ATP10A: variants seen among roughly 807,000 people sequenced by gnomAD.
ATP10A encodes the protein ATPase phospholipid transporting 10A (putative).
A neutral mutation model predicts 147.8 loss-of-function variants in ATP10A; 111 were observed. The ratio of observed to expected loss-of-function variants is 0.75; its 90% CI spans 0.64 to 0.88. The LOEUF (loss-of-function observed/expected upper bound fraction) is 0.88. Among genes scored for constraint, ATP10A ranks in the 40% least tolerant of loss-of-function variants. ATP10A has a pLI of 0.00. For missense variants in ATP10A, 1,927 were observed against 1,959.0 expected (o/e 0.98, Z 0.31); for synonymous variants, 875 against 841.6 (o/e 1.04, Z -0.69).
intron 1 of ATP10A, among the ~76,000 whole-genome samples, chr15:25,826,482 C>T (rs1892117874): frequency 6.6e-6 from 1 of 152,126 alleles, no homozygotes; most frequent in Non-Finnish European, 1.5e-5. Context: ...AGATGGCTTG[C>T]ACCCAAGAGG....
intron 2 of ATP10A, among the ~76,000 whole-genome samples, chr15:25,744,837 C>T (rs182580151): frequency 6.6e-6 from 1 of 152,234 alleles, no homozygotes; most frequent in Admixed American, 6.5e-5. Flanking sequence ...CGTGTGTAAT[C>T]AGGGCCCCAG....
At chr15:25,833,171 C>T (rs1347587107) in intron 1 of ATP10A, among the ~76,000 whole-genome samples, 3 of 151,914 alleles carry the variant, frequency 2.0e-5, no homozygotes, top group South Asian at 2.1e-4. Flanking sequence ...TTAGTAAAGA[C>T]GGGTTTTCAC....
rs1887242457 is a variant in ATP10A, at chr15:25,735,966, A to C, written c.740+90T>G. The C allele has an allele frequency of 3.4e-6, 4 of 1,165,102 alleles. No individual in the cohort carries two copies. In the African/African-American group the frequency reaches 6.0e-5, roughly 17 times the overall value. The allele number at this position is 1,165,102 out of a possible 1,614,324, so 72.2% of individuals were successfully genotyped here. On this transcript the variant is annotated intron_variant, in intron 3 of 20. Transcript: ENST00000555815. Reference sequence around the variant, plus strand: ...CTACACCATGTGGCAAAGAGTATTAAATGCATACTTTATAACTGAGAATGT... The same window carrying C: ...CTACACCATGTGGCAAAGAGTATTACATGCATACTTTATAACTGAGAATGT...
intron 15 of ATP10A, 126 bp downstream of exon 15, chr15:25,691,589 A>G: frequency 2.2e-6 from 2 of 909,276 alleles, no homozygotes; most frequent in Admixed American, 3.8e-5. Context: ...CATCAGCTAT[A>G]TTAAGGGCAA....
At chr15:25,830,061 G>T (rs1452080240) in intron 1 of ATP10A, among the ~76,000 whole-genome samples, 1 of 152,136 alleles carries the variant, frequency 6.6e-6, no homozygotes. Context: ...AGATGGAGGT[G>T]GTTCAGGCGG....
chr15:25,765,764 G>A (rs150667129), intron 2 of ATP10A, among the ~76,000 whole-genome samples: 321 of 152,242 alleles, frequency 2.1e-3, no homozygotes, highest in South Asian at 0.014. Context: ...TCACAGAGAC[G>A]CAAACCCTTT....
At position 25,721,885 on chromosome 15, in the gene ATP10A, C is replaced by T. The variant is rs1902255672; in HGVS notation, c.1135G>A (p.Val379Ile). The T allele has an allele frequency of 6.2e-7, 1 of 1,612,428 alleles. No homozygotes were observed. Among genetic ancestry groups the T allele is most frequent in the Non-Finnish European group, 8.5e-7 (1 of 1,178,588 alleles). ...CATGCTTTAACAATTTCAATGGAAA[C>T]GTATAAGGAAATTGGGATCAAAACC... Reference protein sequence around the residue: ...LQVLIPISLYVSIEIVKACQV... With the variant: ...LQVLIPISLYISIEIVKACQV... The change falls in exon 7 of 21, where the codon GTT (valine) becomes ATT (isoleucine). Residue 379 changes from valine to isoleucine, a missense_variant. Physicochemically the swap from Val to Ile is conservative, Grantham distance 29 (BLOSUM62 3). Transcript: ENST00000555815.
rs1376893163 is a variant in ATP10A at position 25,683,102 on chromosome 15, CTT to C, written c.3492+182_3492+183del. Among the ~76,000 whole-genome samples the C allele has an allele frequency of 2.6e-5, 4 of 152,128 alleles. No individual in the cohort carries two copies. The East Asian group carries it at 7.7e-4, about 29-fold the overall frequency. On this transcript the variant is annotated intron_variant, in intron 17 of 20. Transcript: ENST00000555815. ...AGGGGGGACAGTTTCGCTTACAACA[CTT>C]GATGCACTGCAGCCAAGCAGAGGGC...
chr15:25,682,142 T>C (rs895364518), intron 17 of ATP10A, among the ~76,000 whole-genome samples: 4 of 151,318 alleles, frequency 2.6e-5, no homozygotes, highest in African/African-American at 9.7e-5. Context: ...GAATAGCACC[T>C]GAAATTCCGG....
Position 25,708,314 on chromosome 15 carries a change from T to A in ATP10A, c.2345-14A>T. On this transcript the variant is annotated splice_polypyrimidine_tract_variant and intron_variant, in intron 10 of 20. Coordinates refer to ENST00000555815, the MANE Select transcript of ATP10A (RefSeq NM_024490.4). ...CTCTGGCGTCAACTAGGTTGGAGAA[T>A]AAGCAGAAACATGGGTAAGAACTGG... 1.2e-6 allele frequency: 2 copies of A among 1,609,476 alleles called. No homozygotes were observed. The highest frequency in any genetic ancestry group is 1.1e-5 in the South Asian group (1 of 91,012).
At chr15:25,799,476 A>G (rs2140775216) in intron 1 of ATP10A, among the ~76,000 whole-genome samples, 1 of 152,346 alleles carries the variant, frequency 6.6e-6, no homozygotes, top group Middle Eastern at 3.4e-3. Flanking sequence ...ATGAACCAAA[A>G]TGGTGTTCAG....
At position 25,729,224 on chromosome 15, in the gene ATP10A, C is replaced by T. The variant is rs185024804; in HGVS notation, c.741-1958G>A. ...TCCTTTGGACAGGCGTGGTGGCTCACGCCTGTAATCCCAGCACTTTGGGAG... is the reference window on the plus strand; with the variant it reads ...TCCTTTGGACAGGCGTGGTGGCTCATGCCTGTAATCCCAGCACTTTGGGAG... On this transcript the variant is annotated intron_variant, in intron 3 of 20. Coordinates refer to ENST00000555815, the MANE Select transcript of ATP10A (RefSeq NM_024490.4). Among the ~76,000 whole-genome samples, 67 of 152,298 alleles carry T rather than the reference C, an allele frequency of 4.4e-4. No individual in the cohort carries two copies. The East Asian group carries it at 8.9e-3, about 20-fold the overall frequency.
chr15:25,688,220 C>G (rs1899805956), intron 15 of ATP10A, among the ~76,000 whole-genome samples: 1 of 152,178 alleles, frequency 6.6e-6, no homozygotes, highest in Non-Finnish European at 1.5e-5. Flanking sequence ...TGGTCACAAC[C>G]CAAGGATGAC....
chr15:25,834,826 C>A (rs1370225979), intron 1 of ATP10A, among the ~76,000 whole-genome samples: 1 of 152,128 alleles, frequency 6.6e-6, no homozygotes, highest in Non-Finnish European at 1.5e-5. Flanking sequence ...TATGAATGAG[C>A]CTGCAAACAT....
intron 1 of ATP10A, among the ~76,000 whole-genome samples, chr15:25,819,872 A>G (rs986764564): frequency 2.6e-5 from 4 of 152,178 alleles, no homozygotes; most frequent in African/African-American, 9.6e-5. Flanking sequence ...GAGCTAAATA[A>G]CATGAACACA....
chr15:25,853,399 C>A (rs565731777), intron 1 of ATP10A, among the ~76,000 whole-genome samples: 1 of 152,294 alleles, frequency 6.6e-6, no homozygotes, highest in South Asian at 2.1e-4. Context: ...TTTCAACCTT[C>A]CCAAAACGTG....
At chr15:25,710,196 A>G (rs994315236) in intron 10 of ATP10A, 2 of 152,176 alleles carry the variant, frequency 1.3e-5, no homozygotes, top group Non-Finnish European at 2.9e-5. Flanking sequence ...TTGTCTCCCT[A>G]TGGTGACAGG....
chr15:25,693,627 A>T (rs1900153923), intron 14 of ATP10A, among the ~76,000 whole-genome samples: 1 of 152,170 alleles, frequency 6.6e-6, no homozygotes, highest in Non-Finnish European at 1.5e-5. Context: ...CCAGCTCCTC[A>T]GGGAAACCTG....
chr15:25,829,899 G>A (rs1392771670), intron 1 of ATP10A, among the ~76,000 whole-genome samples: 1 of 152,202 alleles, frequency 6.6e-6, no homozygotes, highest in Non-Finnish European at 1.5e-5. Context: ...AGACAGTGAG[G>A]CTTCCAAGAA....
Sources: gnomAD v4.1 joint callset for allele counts (sites outside exome capture counted in the v4.1 genomes callset) on GRCh38, gnomAD v4.1.1 for gene constraint, MANE v1.5 for transcripts, NCBI Gene and HGNC (gene_info 2026-07-23, HGNC 2026-07-21) for gene names.